PVT1: variants seen among roughly 807,000 people sequenced by gnomAD.
The protein encoded by PVT1 is Pvt1 oncogene.
At chr8:127,828,768 G>A (rs753014757) in intron 2 of PVT1, among the ~76,000 whole-genome samples, 17 of 152,024 alleles carry the variant, frequency 1.1e-4, no homozygotes, top group Non-Finnish European at 1.9e-4. Flanking sequence ...GTGTGTCCTC[G>A]TGGCCAATTT....
intron 2 of PVT1, among the ~76,000 whole-genome samples, chr8:127,802,569 GT>G (rs546509119): frequency 6.6e-4 from 101 of 152,058 alleles, no homozygotes; most frequent in African/African-American, 2.4e-3. Flanking sequence ...AACTGATAAT[GT>G]TTTGGATATA....
chr8:127,829,571 A>G (rs958245536), intron 2 of PVT1, among the ~76,000 whole-genome samples: 6 of 152,174 alleles, frequency 3.9e-5, no homozygotes, highest in Non-Finnish European at 5.9e-5. Flanking sequence ...GCTCAGCCCA[A>G]TGTAAAGAAA....
chr8:128,042,990 C>T (rs1394790641), intron 4 of PVT1, among the ~76,000 whole-genome samples: 1 of 152,064 alleles, frequency 6.6e-6, no homozygotes, highest in African/African-American at 2.4e-5. Context: ...TCTCGAACTC[C>T]TGGCCTCAGG....
intron 2 of PVT1, among the ~76,000 whole-genome samples, chr8:127,855,621 C>T (rs1045247662): frequency 3.3e-5 from 5 of 152,170 alleles, no homozygotes; most frequent in African/African-American, 7.2e-5. Flanking sequence ...ACACACTCCC[C>T]AGGAGAGACT....
intron 3 of PVT1, among the ~76,000 whole-genome samples, chr8:127,900,649 G>A (rs1464920471): frequency 6.6e-6 from 1 of 152,206 alleles, no homozygotes; most frequent in African/African-American, 2.4e-5. Context: ...GGGCCACAGA[G>A]TCTTGGGTTG....
In PVT1 at chr8:128,028,319, C is replaced by T. The variant is rs72720884; in HGVS notation, n.912+39028C>T. On this transcript the variant is annotated intron_variant and non_coding_transcript_variant, in intron 4 of 10. Coordinates refer to ENST00000651587, the Ensembl canonical transcript of PVT1. ...GACAGAAATGCCTGGACGTTCTCCT[C>T]GGCTGGCATGGGTATTGCGTCCAGG... is the stretch of plus-strand genomic sequence containing the variant. 9.0e-3 allele frequency among the ~76,000 whole-genome samples: 1,378 copies of T among 152,330 alleles called. 19 individuals are homozygous for T. The highest frequency in any genetic ancestry group is 0.076 in the East Asian group (396 of 5,186).
At chr8:127,830,806 C>T (rs574981030) in intron 2 of PVT1, among the ~76,000 whole-genome samples, 20 of 152,184 alleles carry the variant, frequency 1.3e-4, no homozygotes, top group African/African-American at 4.1e-4. Context: ...ACAATCTAAT[C>T]AGCTGCCAGT....
intron 3 of PVT1, among the ~76,000 whole-genome samples, chr8:127,936,128 C>T (rs1232666124): frequency 1.3e-5 from 2 of 150,260 alleles, no homozygotes; most frequent in African/African-American, 2.5e-5. Flanking sequence ...CTTGGCTCAC[C>T]ACAACCTCCG....
At chr8:127,809,347 AC>A (rs1225202569) in intron 2 of PVT1, among the ~76,000 whole-genome samples, 1 of 152,052 alleles carries the variant, frequency 6.6e-6, no homozygotes, top group Non-Finnish European at 1.5e-5. Context: ...GCATGGCACC[AC>A]CCCCAGCTAA....
chr8:127,936,102 A>G (rs1816271292), intron 3 of PVT1, among the ~76,000 whole-genome samples: 1 of 138,466 alleles, frequency 7.2e-6, no homozygotes, highest in Non-Finnish European at 1.5e-5. Context: ...CCCAGGCCAG[A>G]GTGCAATGGC....
chr8:128,048,351 CCTGAGGTCACTCA>C (rs1813645249), intron 4 of PVT1: 1 of 152,250 alleles, frequency 6.6e-6, no homozygotes, highest in Non-Finnish European at 1.5e-5. Flanking sequence ...GAATCTAAGC[CCTGAGGTCACTCA>C]CTGCTCTCCT....
At chr8:128,053,455 A>G (rs1813723820) in intron 4 of PVT1, among the ~76,000 whole-genome samples, 1 of 149,622 alleles carries the variant, frequency 6.7e-6, no homozygotes, top group Non-Finnish European at 1.5e-5. Flanking sequence ...ATATATGGGT[A>G]TTATATATAT....
At chr8:127,948,636 C>T (rs1586450540) in intron 3 of PVT1, 1 of 152,384 alleles carries the variant, frequency 6.6e-6, no homozygotes, top group African/African-American at 2.4e-5. Context: ...TATGGTCAGA[C>T]TGGTGGGTGT....
In PVT1 at chr8:127,832,719, G is replaced by A. The variant is rs555587562; in HGVS notation, n.372+36648G>A. ...TAAAAATACAAAAAATTAGCCGGGC[G>A]TGGTGGCGGGTGCCTGTAGTCCCAG... On this transcript the variant is annotated intron_variant and non_coding_transcript_variant, in intron 2 of 10. Coordinates refer to ENST00000651587, the Ensembl canonical transcript of PVT1. Among the ~76,000 whole-genome samples the A allele has an allele frequency of 2.4e-4, 37 of 152,228 alleles. No homozygotes were observed. The East Asian group carries it at 5.8e-3, about 24-fold the overall frequency.
Position 127,873,012 on chromosome 8 carries a change from G to C in PVT1, n.373-17577G>C, listed in dbSNP as rs552611238. On this transcript the variant is annotated intron_variant and non_coding_transcript_variant, in intron 2 of 10. Coordinates refer to ENST00000651587, the Ensembl canonical transcript of PVT1. ...GAGCTGCTCTCTCCTACTGAGCCCCGCATGGTTCCTCCTGTTTTCCTGCCC... is the reference window on the plus strand; with the variant it reads ...GAGCTGCTCTCTCCTACTGAGCCCCCCATGGTTCCTCCTGTTTTCCTGCCC... 3.2e-4 allele frequency among the ~76,000 whole-genome samples: 49 copies of C among 152,228 alleles called. 1 individual carries two copies. Among genetic ancestry groups the C allele is most frequent in the Admixed American group, 2.6e-4 (4 of 15,288 alleles).
At position 127,897,870 on chromosome 8, in the gene PVT1, G is replaced by GGAAA. The variant is rs139029855; in HGVS notation, n.782+6901_782+6904dup. 7.6e-3 allele frequency among the ~76,000 whole-genome samples: 1,001 copies of GGAAA among 132,182 alleles called. 11 individuals carry two copies. Among genetic ancestry groups the GGAAA allele is most frequent in the East Asian group, 0.075 (327 of 4,374 alleles). The allele number at this position is 132,182 out of a possible 152,430, so 86.7% of individuals were successfully genotyped here. Reference sequence around the variant, plus strand: ...GAAAAGAAAGACAGGAAGGAAGAAAGGAAAGAAAGAAAGAAAGAAAGAAAG... The same window carrying GGAAA: ...GAAAAGAAAGACAGGAAGGAAGAAAGGAAAGAAAGAAAGAAAGAAAGAAAGAAAG... On this transcript the variant is annotated intron_variant and non_coding_transcript_variant, in intron 3 of 10. Transcript: ENST00000651587.
intron 2 of PVT1, among the ~76,000 whole-genome samples, chr8:127,870,633 C>G (rs1433750132): frequency 6.6e-6 from 1 of 152,166 alleles, no homozygotes; most frequent in Non-Finnish European, 1.5e-5. Context: ...GTAGAACTGG[C>G]CATTTCATTC....
chr8:127,960,951 G>A (rs1816635025), intron 3 of PVT1, among the ~76,000 whole-genome samples: 2 of 125,378 alleles, frequency 1.6e-5, no homozygotes, highest in South Asian at 6.3e-4. Context: ...GGTGGGGGGG[G>A]CGGGCGGGCA....
At chr8:128,042,734 GTTTAT>G (rs57334940) in intron 4 of PVT1, among the ~76,000 whole-genome samples, 4,227 of 129,788 alleles carry the variant, frequency 0.033, 76 homozygotes, top group Middle Eastern at 0.079. Flanking sequence ...GGACTAGGTG[GTTTAT>G]TTTATTTTAT....
Sources: gnomAD v4.1 joint callset for allele counts (sites outside exome capture counted in the v4.1 genomes callset) on GRCh38, gnomAD v4.1.1 for gene constraint, MANE v1.5 for transcripts, NCBI Gene and HGNC (gene_info 2026-07-23, HGNC 2026-07-21) for gene names.